MB: variants seen among roughly 807,000 people sequenced by gnomAD.
MB encodes the protein nitrite reductase MB.
In MB, 10 loss-of-function variants were observed where a neutral mutation model predicts 14.5. The ratio of observed to expected loss-of-function variants is 0.69; its 90% CI spans 0.43 to 1.17. The LOEUF (loss-of-function observed/expected upper bound fraction) is 1.17, where lower values mean the gene tolerates loss of function less well. Ranked by LOEUF, MB falls within the 50% of genes most tolerant of loss-of-function variation. The probability of loss-of-function intolerance (pLI) is 0.00; values close to 1 mark genes in which losing one functional copy is unlikely to be tolerated. For synonymous variants in MB, 89 were observed against 78.6 expected (o/e 1.13, Z -0.70); for missense variants, 169 against 192.7 (o/e 0.88, Z 0.73).
intron 2 of MB, among the ~76,000 whole-genome samples, chr22:35,607,733 G>A (rs1483646272): frequency 6.6e-6 from 1 of 152,062 alleles, no homozygotes; most frequent in African/African-American, 2.4e-5. Flanking sequence ...CGGAGCCCAC[G>A]CTCTTACTCA....
chr22:35,617,247 C>T lies in MB; in HGVS notation c.11G>A (p.Ser4Asn). The T allele has an allele frequency of 1.2e-6, 2 of 1,614,144 alleles. No individual in the cohort carries two copies. The highest frequency in any genetic ancestry group is 1.7e-6 in the Non-Finnish European group (2 of 1,179,964). Reference protein sequence around the residue: MGLSDGEWQLVLNV... With the variant: MGLNDGEWQLVLNV... The stretch of plus-strand genomic sequence containing the variant: ...CAGCACCAACTGCCATTCCCCGTCG[C>T]TGAGCCCCATGGCGCAGTCTGAAGA... The change falls in exon 1 of 3, where the codon AGC becomes AAC. Residue 4 changes from serine to asparagine, a missense_variant. Ser to Asn is a conservative substitution (Grantham distance 46). Coordinates refer to ENST00000397326, the MANE Select transcript of MB (RefSeq NM_005368.3).
At chr22:35,617,605 G>T, upstream of MB, 1 of 230,888 alleles carries the variant, frequency 4.3e-6, no homozygotes, top group Non-Finnish European at 8.4e-6. Flanking sequence ...TCTCATAGCC[G>T]ACAGAAAGGG....
At chr22:35,617,028 AG>A (rs1923124976) in intron 1 of MB, 134 bp downstream of exon 1, 2 of 670,020 alleles carry the variant, frequency 3.0e-6, no homozygotes, top group Non-Finnish European at 5.4e-6. Flanking sequence ...GCAAAGAAAA[AG>A]CAAGTGACCG....
chr22:35,620,911 C>T (rs1168883764), upstream of MB, among the ~76,000 whole-genome samples: 7 of 152,204 alleles, frequency 4.6e-5, no homozygotes, highest in Admixed American at 1.3e-4. Flanking sequence ...GCTTGGCAAG[C>T]GCCCCCATTA....
intron 1 of MB, 80 bp from the exon 2 acceptor site, chr22:35,611,186 T>A: frequency 1.0e-6 from 1 of 963,548 alleles, no homozygotes; most frequent in Non-Finnish European, 1.6e-6. Context: ...AGTTCAAGTT[T>A]AGCTCCCTGT....
upstream of MB, among the ~76,000 whole-genome samples, chr22:35,619,072 C>A (rs1923299170): frequency 6.6e-6 from 1 of 152,216 alleles, no homozygotes; most frequent in South Asian, 2.1e-4. Flanking sequence ...CTCCACCCAT[C>A]CATCCATCCC....
chr22:35,611,022 C>G lies in MB; in HGVS notation c.180G>C (p.Glu60Asp). 1 of 1,614,156 alleles carries G rather than the reference C, an allele frequency of 6.2e-7. No individual in the cohort carries two copies. Among genetic ancestry groups the G allele is most frequent in the Non-Finnish European group, 8.5e-7 (1 of 1,180,008 alleles). ...CGGTGGCACCATGCTTCTTTAAGTC[C>G]TCAGACGCCTTCATCTCGTCCTCTG... ...LKSEDEMKAS[E>D]DLKKHGATVL... The change falls in exon 2 of 3, where the codon GAG becomes GAC. Residue 60 changes from glutamate (E) to aspartate (D), a missense_variant. Transcript: ENST00000397326.
Position 35,617,236 on chromosome 22 carries a change from A to G in MB, c.22T>C (p.Trp8Arg), listed in dbSNP as rs148810900. Residue 8 changes from tryptophan (W) to arginine (R), a missense_variant, in exon 1 of 3, where the codon TGG (tryptophan) becomes CGG (arginine). Coordinates refer to ENST00000397326, the MANE Select transcript of MB (RefSeq NM_005368.3). ...CCCCAGACGTTCAGCACCAACTGCCATTCCCCGTCGCTGAGCCCCATGGCG... is the reference window on the plus strand; with the variant it reads ...CCCCAGACGTTCAGCACCAACTGCCGTTCCCCGTCGCTGAGCCCCATGGCG... Reference protein sequence around the residue: MGLSDGEWQLVLNVWGKV... With the variant: MGLSDGERQLVLNVWGKV... 5 of 1,614,136 alleles carry G rather than the reference A, an allele frequency of 3.1e-6. No homozygotes were observed. In the African/African-American group the frequency reaches 4.0e-5, roughly 13 times the overall value.
chr22:35,606,915 AG>A lies in MB; in HGVS notation c.*381del, dbSNP rs1388078707. On this transcript the variant is annotated 3_prime_UTR_variant, in exon 3 of 3. Coordinates refer to ENST00000397326, the MANE Select transcript of MB (RefSeq NM_005368.3). Reference sequence around the variant, plus strand: ...GCAAAGGGACATTCTGCTGTCTTCAAGGGGCCAGTGATTAATCAGACAATTG... The same window carrying A: ...GCAAAGGGACATTCTGCTGTCTTCAAGGGCCAGTGATTAATCAGACAATTG... 1 of 170,932 alleles carries A rather than the reference AG, an allele frequency of 5.9e-6. No individual in the cohort carries two copies. The highest frequency in any genetic ancestry group is 1.2e-5 in the Non-Finnish European group (1 of 80,164). 10.6% of individuals were successfully genotyped at this position (170,932 alleles called of 1,614,324 possible).
rs1179574016 is a variant in MB, at chr22:35,611,109, G to A, written c.96-3C>T. Reference sequence around the variant, plus strand: ...TCTCTGGGTGACCCTTAAAGAGCCTGTGGGCACAGGGAAGGCTGGAGTCGG... The same window carrying A: ...TCTCTGGGTGACCCTTAAAGAGCCTATGGGCACAGGGAAGGCTGGAGTCGG... On this transcript the variant is annotated splice_polypyrimidine_tract_variant and splice_region_variant and intron_variant, in intron 1 of 2. Transcript: ENST00000397326. 27 of 1,611,854 alleles carry A rather than the reference G, an allele frequency of 1.7e-5. No individual in the cohort carries two copies. Among genetic ancestry groups the A allele is most frequent in the Middle Eastern group, 1.7e-4 (1 of 6,058 alleles).
In MB at chr22:35,608,635, T is replaced by A. The variant is rs902330920; in HGVS notation, c.319-1192A>T. ...ATTTCATGAATGCCACAAAACAAAG[T>A]GGGGGCTCAGGGTGTCATGGAGCAA... On this transcript the variant is annotated intron_variant, in intron 2 of 2. Coordinates refer to ENST00000397326, the MANE Select transcript of MB (RefSeq NM_005368.3). This position sits in a 1 kb window ranked among gnomAD's most constrained non-coding sequence, Gnocchi z 4.3. Among the ~76,000 whole-genome samples, 9 of 152,150 alleles carry A rather than the reference T, an allele frequency of 5.9e-5. No individual in the cohort carries two copies. Among genetic ancestry groups the A allele is most frequent in the Admixed American group, 2.6e-4 (4 of 15,284 alleles).
Position 35,611,067 on chromosome 22 carries a change from G to T in MB, c.135C>A (p.Asp45Glu). 1 of 1,614,154 alleles carries T rather than the reference G, an allele frequency of 6.2e-7. No individual in the cohort carries two copies. Among genetic ancestry groups the T allele is most frequent in the East Asian group, 2.2e-5 (1 of 44,874 alleles). The change falls in exon 2 of 3, where the codon GAC (aspartate) becomes GAA (glutamate). Residue 45 changes from aspartate to glutamate, a missense_variant. Physicochemically the swap from Asp to Glu is conservative, Grantham distance 45. Transcript: ENST00000397326. ...KGHPETLEKFDKFKHLKSEDE... is the reference protein window; with the variant it reads ...KGHPETLEKFEKFKHLKSEDE... ...CCTCTGACTTCAGGTGCTTGAACTT[G>T]TCAAACTTCTCCAGAGTCTCTGGGT...
rs139712546 is a variant in MB, at chr22:35,607,438, G to A, written c.324C>T (p.Ile108=). 79 of 1,613,782 alleles carry A rather than the reference G, an allele frequency of 4.9e-5. No homozygotes were observed. Among genetic ancestry groups the A allele is most frequent in the Non-Finnish European group, 6.4e-5 (75 of 1,179,822 alleles). The change falls in exon 3 of 3, where the codon ATC becomes ATT. Residue 108 remains isoleucine, a synonymous_variant. Coordinates refer to ENST00000397326, the MANE Select transcript of MB (RefSeq NM_005368.3). ...GCAGAACCTGGATGATGCATTCCGA[G>A]ATGAACTGCAGGGAGGGTGAGGAGA... is the stretch of plus-strand genomic sequence containing the variant. ...HKIPVKYLEF[I]SECIIQVLQS...
At chr22:35,617,513 C>G, upstream of MB, 1 of 507,132 alleles carries the variant, frequency 2.0e-6, no homozygotes, top group South Asian at 2.4e-5. Flanking sequence ...GCCATTGTGG[C>G]GAGGCAGGAC....
In MB at chr22:35,611,030, C is replaced by T. The variant is rs764466189; in HGVS notation, c.172G>A (p.Ala58Thr). 1 of 1,614,166 alleles carries T rather than the reference C, an allele frequency of 6.2e-7. No individual in the cohort carries two copies. Among genetic ancestry groups the T allele is most frequent in the South Asian group, 1.1e-5 (1 of 91,082 alleles). ...CCATGCTTCTTTAAGTCCTCAGACG[C>T]CTTCATCTCGTCCTCTGACTTCAGG... ...KHLKSEDEMK[A>T]SEDLKKHGAT... The change falls in exon 2 of 3, where the codon GCG (alanine) becomes ACG (threonine). Residue 58 changes from alanine (A) to threonine (T), a missense_variant. Coordinates refer to ENST00000397326, the MANE Select transcript of MB (RefSeq NM_005368.3).
chr22:35,622,752 A>G (rs1432541551), intron 1 of MB, among the ~76,000 whole-genome samples: 1 of 150,870 alleles, frequency 6.6e-6, no homozygotes, highest in African/African-American at 2.4e-5. Context: ...GGAGGCTCCG[A>G]GTGGCTCCTC....
In MB at chr22:35,610,907, T is replaced by G. The variant is rs753091060; in HGVS notation, c.295A>C (p.Lys99Gln). The G allele has an allele frequency of 3.1e-6, 5 of 1,614,118 alleles. No individual in the cohort carries two copies. In the East Asian group the frequency reaches 1.1e-4, roughly 36 times the overall value. The change falls in exon 2 of 3, where the codon AAG (lysine) becomes CAG (glutamine). Residue 99 changes from lysine (K) to glutamine (Q), a missense_variant. Coordinates refer to ENST00000397326, the MANE Select transcript of MB (RefSeq NM_005368.3). Reference protein sequence around the residue: ...PLAQSHATKHKIPVKYLEFIS... With the variant: ...PLAQSHATKHQIPVKYLEFIS... The stretch of plus-strand genomic sequence containing the variant: ...ACCTCCAGGTACTTCACGGGGATCT[T>G]GTGCTTGGTGGCATGCGACTGTGCC...
upstream of MB, among the ~76,000 whole-genome samples, chr22:35,620,634 C>T (rs564685666): frequency 4.6e-5 from 7 of 152,326 alleles, no homozygotes; most frequent in Admixed American, 4.6e-4. Flanking sequence ...GGCCCCCTGC[C>T]TGGTGCGCTG....
intron 1 of MB, among the ~76,000 whole-genome samples, chr22:35,615,089 G>A (rs2145920520): frequency 6.6e-6 from 1 of 152,288 alleles, no homozygotes; most frequent in East Asian, 1.9e-4. Flanking sequence ...TACGTGCAGT[G>A]AAGGCCTCAG....
Sources: gnomAD v4.1 joint callset for allele counts (sites outside exome capture counted in the v4.1 genomes callset) on GRCh38, gnomAD v4.1.1 for gene constraint, Gnocchi (gnomAD v3.1) non-coding constraint, MANE v1.5 for transcripts, NCBI Gene and HGNC (gene_info 2026-07-23, HGNC 2026-07-21) for gene names.